MED12L: variants seen among roughly 807,000 people sequenced by gnomAD.
The protein encoded by MED12L is mediator complex subunit 12L.
MED12L carries 60 observed loss-of-function variants against 281.3 expected under a neutral mutation model. The observed-to-expected ratio is 0.21, with a 90% CI of 0.17 to 0.26. The LOEUF (loss-of-function observed/expected upper bound fraction) is 0.26, where lower values mean the gene tolerates loss of function less well. Ranked by LOEUF, MED12L falls within the 10% of genes least tolerant of loss-of-function variation. The probability of loss-of-function intolerance (pLI) is 1.00; values close to 1 mark genes in which losing one functional copy is unlikely to be tolerated. For synonymous variants in MED12L, 974 were observed against 987.2 expected (o/e 0.99, Z 0.25); for missense variants, 2,146 against 2,680.9 (o/e 0.80, Z 4.41).
At chr3:151,277,239 G>C (rs1389119736) in intron 16 of MED12L, among the ~76,000 whole-genome samples, 2 of 151,476 alleles carry the variant, frequency 1.3e-5, no homozygotes, top group Non-Finnish European at 2.9e-5. Flanking sequence ...TGACAATATA[G>C]AGTTCATTCA....
chr3:151,273,896 A>C (rs1741428736), intron 16 of MED12L, among the ~76,000 whole-genome samples: 1 of 152,210 alleles, frequency 6.6e-6, no homozygotes, highest in South Asian at 2.1e-4. Context: ...CATTCATGTA[A>C]CATTTATTGA....
rs766466484 is a variant in MED12L, at chr3:151,430,390, CCT to C, written c.6490+11_6490+12del. 25 of 1,613,882 alleles carry C rather than the reference CCT, an allele frequency of 1.5e-5. No homozygotes were observed. The African/African-American group carries it at 2.3e-4, about 15-fold the overall frequency. On this transcript the variant is annotated intron_variant, in intron 44 of 44. Coordinates refer to ENST00000687756, the MANE Select transcript of MED12L (RefSeq NM_001393769.1). ...CAGAAGCAGCTTTCCAGTAAGTACC[CCT>C]GTGTGTCATGGAACAGACAGCTCCC... is the stretch of plus-strand genomic sequence containing the variant.
chr3:151,131,202 G>GAAC (rs1308096818), intron 5 of MED12L, among the ~76,000 whole-genome samples: 1 of 152,120 alleles, frequency 6.6e-6, no homozygotes, highest in Admixed American at 6.5e-5. Flanking sequence ...TCTTGTCAGT[G>GAAC]TTTTTCCTGA....
At chr3:151,358,984 G>T (rs567608278) in intron 20 of MED12L, among the ~76,000 whole-genome samples, 1 of 152,204 alleles carries the variant, frequency 6.6e-6, no homozygotes, top group Admixed American at 6.5e-5. Flanking sequence ...TATTACAAAG[G>T]TATATTGCTT....
chr3:151,140,879 G>T (rs1368976024), intron 5 of MED12L, among the ~76,000 whole-genome samples: 4 of 147,140 alleles, frequency 2.7e-5, no homozygotes, highest in Admixed American at 6.8e-5. Context: ...TTGTTTGTTT[G>T]TTTTTTGAGA....
In MED12L at chr3:151,271,029, A is replaced by T. The variant is rs987098172; in HGVS notation, c.2250+77363A>T. 2.0e-5 allele frequency among the ~76,000 whole-genome samples: 3 copies of T among 152,252 alleles called. No individual in the cohort carries two copies. In the East Asian group the frequency reaches 5.8e-4, roughly 29 times the overall value. On this transcript the variant is annotated intron_variant, in intron 16 of 44. Transcript: ENST00000687756. ...CATACCCAAAAACCAAAAAAAAAAA[A>T]ATCCCCAAATTTAAAACTTTCATTT...
rs899184352 is a variant in MED12L at position 151,385,050 on chromosome 3, A to G, written c.4947A>G (p.Arg1649=). The G allele has an allele frequency of 1.3e-6, 2 of 1,576,404 alleles. No individual in the cohort carries two copies. The highest frequency in any genetic ancestry group is 8.7e-7 in the Non-Finnish European group (1 of 1,146,882). ...TTTAGAAAGAGCTAGGAGACAAGCGATCAGAAAGTATTGACAAAGTTCGAC... is the reference window on the plus strand; with the variant it reads ...TTTAGAAAGAGCTAGGAGACAAGCGGTCAGAAAGTATTGACAAAGTTCGAC... The part of the protein sequence containing the change: ...KKLKKELGDK[R]SESIDKVRQL... Residue 1649 remains arginine (R), a synonymous_variant, in exon 36 of 45, where the codon CGA becomes CGG. Transcript: ENST00000687756.
At chr3:151,213,456 A>G in intron 16 of MED12L, 1 of 1,614,222 alleles carries the variant, frequency 6.2e-7, no homozygotes, top group East Asian at 2.2e-5. Context: ...CCAAGCATAC[A>G]TTTGCAGCAG....
intron 16 of MED12L, among the ~76,000 whole-genome samples, chr3:151,325,449 T>C (rs976772130): frequency 2.6e-5 from 4 of 152,256 alleles, no homozygotes; most frequent in African/African-American, 9.6e-5. Context: ...GTGTATCATT[T>C]ATGACTATAT....
chr3:151,190,274 C>T (rs527887509), intron 13 of MED12L, among the ~76,000 whole-genome samples: 6 of 151,898 alleles, frequency 4.0e-5, no homozygotes, highest in Admixed American at 2.6e-4. Flanking sequence ...CGGGTTCAAG[C>T]GATTCTCCTG....
At chr3:151,342,988 A>T (rs962204850) in intron 16 of MED12L, among the ~76,000 whole-genome samples, 4 of 152,152 alleles carry the variant, frequency 2.6e-5, no homozygotes, top group Non-Finnish European at 5.9e-5. Context: ...TGGAGACCCC[A>T]TTCTGACCTG....
At chr3:151,282,125 T>C (rs1270865070) in intron 16 of MED12L, among the ~76,000 whole-genome samples, 1 of 152,236 alleles carries the variant, frequency 6.6e-6, no homozygotes, top group African/African-American at 2.4e-5. Context: ...GGTTGCTTTA[T>C]TGAGCATAGT....
In MED12L at chr3:151,388,079, C is replaced by G. The variant is rs762751794; in HGVS notation, c.5358C>G (p.Ser1786=). The G allele has an allele frequency of 1.2e-6, 2 of 1,613,732 alleles. No homozygotes were observed. Among genetic ancestry groups the G allele is most frequent in the African/African-American group, 2.7e-5 (2 of 74,870 alleles). Residue 1786 remains serine, a synonymous_variant, in exon 37 of 45, where the codon TCC becomes TCG. Transcript: ENST00000687756. ...SPVSQEPERK[S]AELSDQGKTT... is the part of the protein sequence containing the mutation. The stretch of plus-strand genomic sequence containing the variant: ...TTTCTCAGGAACCAGAAAGGAAGTC[C>G]GCTGAGCTGTCAGATCAGGGAAAAA...
intron 12 of MED12L, among the ~76,000 whole-genome samples, chr3:151,187,884 A>G (rs1312113720): frequency 6.6e-6 from 1 of 152,260 alleles, no homozygotes; most frequent in African/African-American, 2.4e-5. Context: ...TTAAACATGA[A>G]CTATTTAAAA....
At chr3:151,197,566 G>A (rs920207191) in intron 16 of MED12L, among the ~76,000 whole-genome samples, 2 of 152,186 alleles carry the variant, frequency 1.3e-5, no homozygotes, top group Non-Finnish European at 2.9e-5. Flanking sequence ...GCTATGCGAA[G>A]TCAGTGTATC....
At chr3:151,338,859 C>T (rs1177661446) in intron 16 of MED12L, 4 of 1,610,898 alleles carry the variant, frequency 2.5e-6, no homozygotes, top group East Asian at 4.5e-5. Flanking sequence ...TTGTTGGTTA[C>T]CTAGAGAACA....
chr3:151,159,613 A>G (rs957996808), intron 7 of MED12L, among the ~76,000 whole-genome samples: 6 of 152,246 alleles, frequency 3.9e-5, no homozygotes, highest in Non-Finnish European at 8.8e-5. Flanking sequence ...TAAATAAAAT[A>G]CATTATTCTA....
intron 16 of MED12L, among the ~76,000 whole-genome samples, chr3:151,331,418 GA>G (rs1325280614): frequency 6.6e-6 from 1 of 152,136 alleles, no homozygotes; most frequent in Non-Finnish European, 1.5e-5. Context: ...TGCCCACTAT[GA>G]AATGGTTGCC....
In MED12L at chr3:151,131,781, C is replaced by A. The variant is rs74700262; in HGVS notation, c.556+3797C>A. 2.0e-3 allele frequency among the ~76,000 whole-genome samples: 297 copies of A among 152,208 alleles called. 4 individuals carry two copies. The East Asian group carries it at 0.044, about 22-fold the overall frequency. ...TATAGCTCCAGTTTCTACTTAAGAA[C>A]GTTATGGACTTGTTGGATTCATTAG... is the stretch of plus-strand genomic sequence containing the variant. On this transcript the variant is annotated intron_variant, in intron 5 of 44. Transcript: ENST00000687756.
Sources: allele counts gnomAD v4.1 joint callset (sites outside exome capture counted in the v4.1 genomes callset), GRCh38; gene constraint gnomAD v4.1.1; transcripts MANE v1.5; gene names NCBI Gene and HGNC (gene_info 2026-07-23, HGNC 2026-07-21).